CDADC1: variants seen among roughly 807,000 people sequenced by gnomAD.
The protein encoded by CDADC1 is dCTP deaminase.
A neutral mutation model predicts 54.9 loss-of-function variants in CDADC1; 39 were observed. That is an observed-to-expected ratio of 0.71 (90% CI 0.55 to 0.93). The LOEUF is 0.93. Ranked by LOEUF, CDADC1 falls within the 40% of genes least tolerant of loss-of-function variation. The pLI, the probability that CDADC1 is intolerant of heterozygous loss-of-function variation, is 0.00. For missense variants in CDADC1, 518 were observed against 618.8 expected, an observed-to-expected ratio of 0.84 and a Z score of 1.73; for synonymous variants, 186 against 204.0, an observed-to-expected ratio of 0.91 and a Z score of 0.75.
chr13:49,260,520 G>A (rs1307784044), intron 4 of CDADC1, among the ~76,000 whole-genome samples: 1 of 152,178 alleles, frequency 6.6e-6, no homozygotes, highest in Non-Finnish European at 1.5e-5. Context: ...TCCATTGTGG[G>A]AACTGTTGTT....
intron 2 of CDADC1, among the ~76,000 whole-genome samples, chr13:49,253,405 G>T (rs1456965402): frequency 1.3e-5 from 2 of 152,028 alleles, no homozygotes; most frequent in African/African-American, 4.8e-5. Flanking sequence ...AAATACTTAT[G>T]CTGTAATGCT....
intron 3 of CDADC1, among the ~76,000 whole-genome samples, chr13:49,257,778 A>G (rs1174942163): frequency 6.6e-6 from 1 of 152,022 alleles, no homozygotes; most frequent in East Asian, 1.9e-4. Flanking sequence ...CAATCAATCA[A>G]TCAATCAGTC....
At position 49,292,912 on chromosome 13, in the gene CDADC1, A is replaced by C; in HGVS notation, c.*1155A>C. 1 of 579,844 alleles carries C rather than the reference A, an allele frequency of 1.7e-6. No homozygotes were observed. Among genetic ancestry groups the C allele is most frequent in the Non-Finnish European group, 2.6e-6 (1 of 380,124 alleles). 35.9% of individuals were successfully genotyped at this position (579,844 alleles called of 1,614,324 possible). ...TCACTGGGCTTCCTACCAGTTTCTC[A>C]GAATTACACGCACGACCATCCAAAC... On this transcript the variant is annotated 3_prime_UTR_variant, in exon 10 of 10. Transcript: ENST00000251108.
At chr13:49,256,078 T>TAA (rs61624498) in intron 3 of CDADC1, among the ~76,000 whole-genome samples, 165 bp downstream of exon 3, 14 of 150,058 alleles carry the variant, frequency 9.3e-5, no homozygotes, top group East Asian at 3.9e-4. Flanking sequence ...TCCTTTTTTT[T>TAA]AAAAAAAAAA....
rs778510767 is a variant in CDADC1, at chr13:49,259,439, A to T, written c.346A>T (p.Ile116Phe). ...EDLHAGQIAL[I>F]KHGSRLKNCD... ...TTTACATGCCGGGCAGATTGCTCTT[A>T]TTAAACATGGGTCAAGGCTGAAAAA... The change falls in exon 4 of 10, where the codon ATT becomes TTT. Residue 116 changes from isoleucine (I) to phenylalanine (F), a missense_variant. Coordinates refer to ENST00000251108, the MANE Select transcript of CDADC1 (RefSeq NM_030911.4). 1 of 1,614,174 alleles carries T rather than the reference A, an allele frequency of 6.2e-7. No individual in the cohort carries two copies. Among genetic ancestry groups the T allele is most frequent in the East Asian group, 2.2e-5 (1 of 44,886 alleles).
intron 3 of CDADC1, among the ~76,000 whole-genome samples, chr13:49,256,154 G>T (rs1001408463): frequency 1.3e-5 from 2 of 150,366 alleles, no homozygotes; most frequent in African/African-American, 4.9e-5. Context: ...ACTCTTGATG[G>T]TTCATATAGA....
chr13:49,273,724 A>G (rs1953028604), intron 5 of CDADC1, among the ~76,000 whole-genome samples: 1 of 98,808 alleles, frequency 1.0e-5, no homozygotes, highest in South Asian at 4.4e-4. Context: ...AATTCTCTTC[A>G]TGTACTTTCT....
chr13:49,260,609 T>C (rs773885603), intron 4 of CDADC1, among the ~76,000 whole-genome samples: 29 of 152,212 alleles, frequency 1.9e-4, no homozygotes, highest in African/African-American at 7.0e-4. Context: ...TAGCCATCCG[T>C]CCACACCAGG....
chr13:49,271,850 A>G (rs113485143), intron 5 of CDADC1, among the ~76,000 whole-genome samples: 1 of 152,340 alleles, frequency 6.6e-6, no homozygotes, highest in African/African-American at 2.4e-5. Flanking sequence ...TGACCAGATC[A>G]TAGGGAGCAA....
At chr13:49,253,218 C>A (rs1048196575) in intron 2 of CDADC1, among the ~76,000 whole-genome samples, 6 of 152,068 alleles carry the variant, frequency 3.9e-5, no homozygotes, top group Non-Finnish European at 7.4e-5. Context: ...TTATGAGTTA[C>A]CAAAGTAATA....
intron 5 of CDADC1, among the ~76,000 whole-genome samples, chr13:49,272,930 T>C (rs1029834097): frequency 3.9e-5 from 6 of 152,262 alleles, no homozygotes; most frequent in African/African-American, 1.4e-4. Flanking sequence ...GCAGGTTGGA[T>C]CTGGAGGGCT....
At chr13:49,260,202 C>G (rs75303157) in intron 4 of CDADC1, among the ~76,000 whole-genome samples, 4,352 of 152,246 alleles carry the variant, frequency 0.029, 194 homozygotes, top group African/African-American at 0.097. Context: ...GTCTACTAAC[C>G]TATTAAATGA....
chr13:49,291,150 T>C (rs1953692438), intron 9 of CDADC1, among the ~76,000 whole-genome samples: 1 of 146,864 alleles, frequency 6.8e-6, no homozygotes, highest in African/African-American at 2.5e-5. Context: ...CCGTACACTG[T>C]TGAGTGAATT....
intron 4 of CDADC1, among the ~76,000 whole-genome samples, chr13:49,262,901 A>G (rs1285474178): frequency 6.6e-6 from 1 of 152,162 alleles, no homozygotes. Context: ...ACTCAGAGGG[A>G]AAAAAGAAAA....
intron 4 of CDADC1, among the ~76,000 whole-genome samples, chr13:49,266,371 C>G (rs1461165779): frequency 6.6e-6 from 1 of 151,930 alleles, no homozygotes; most frequent in Non-Finnish European, 1.5e-5. Context: ...ATTGTCTGTT[C>G]GTATCTTTTT....
At position 49,267,894 on chromosome 13, in the gene CDADC1, C is replaced by T; in HGVS notation, c.835C>T (p.Leu279Phe). 1 of 1,614,060 alleles carries T rather than the reference C, an allele frequency of 6.2e-7. No individual in the cohort carries two copies. The highest frequency in any genetic ancestry group is 8.5e-7 in the Non-Finnish European group (1 of 1,180,020). Residue 279 changes from leucine to phenylalanine, a missense_variant, in exon 5 of 10, where the codon CTT (leucine) becomes TTT (phenylalanine). Transcript: ENST00000251108. Reference protein sequence around the residue: ...FSNLRQNMKDLILLLATVASS... With the variant: ...FSNLRQNMKDFILLLATVASS... ...CAATCTAAGGCAAAACATGAAAGAC[C>T]TTATCCTACTTTTGGCCACAGTAGC... is the stretch of plus-strand genomic sequence containing the variant.
chr13:49,280,859 GTCTC>G (rs906560318), intron 8 of CDADC1, among the ~76,000 whole-genome samples, 161 bp downstream of exon 8: 21 of 140,198 alleles, frequency 1.5e-4, no homozygotes, highest in Admixed American at 1.4e-3. Flanking sequence ...TTGAGACAGA[GTCTC>G]TCTCTGTTGC....
chr13:49,285,182 C>CTT (rs57516377), intron 8 of CDADC1, among the ~76,000 whole-genome samples: 19 of 131,888 alleles, frequency 1.4e-4, no homozygotes, highest in East Asian at 4.4e-4. Context: ...TTTCTTTTTT[C>CTT]TTTTTTTTTT....
chr13:49,263,487 G>A (rs1011899996), intron 4 of CDADC1, among the ~76,000 whole-genome samples: 5 of 152,108 alleles, frequency 3.3e-5, no homozygotes, highest in Non-Finnish European at 5.9e-5. Flanking sequence ...GGACTTTAAC[G>A]TAACAGTTCA....
Sources: allele counts gnomAD v4.1 joint callset (sites outside exome capture counted in the v4.1 genomes callset), GRCh38; gene constraint gnomAD v4.1.1; transcripts MANE v1.5; gene names NCBI Gene and HGNC (gene_info 2026-07-23, HGNC 2026-07-21).